ANKS1B: variants seen among roughly 807,000 people sequenced by gnomAD.
ANKS1B encodes the protein ankyrin repeat and sterile alpha motif domain containing 1B.
Under a neutral mutation model 148.3 loss-of-function variants are expected in ANKS1B, and 36 were observed. The ratio of observed to expected loss-of-function variants is 0.24; its 90% confidence interval spans 0.19 to 0.32. ANKS1B has a LOEUF of 0.32. Among genes scored for constraint, ANKS1B ranks in the 10% least tolerant of loss-of-function variants. ANKS1B has a pLI of 1.00. For missense variants in ANKS1B, 1,157 were observed against 1,542.6 expected (o/e 0.75, Z 4.19); for synonymous variants, 542 against 560.8 (o/e 0.97, Z 0.47).
chr12:99,719,942 C>T (rs1447324366), intron 8 of ANKS1B, among the ~76,000 whole-genome samples: 1 of 152,172 alleles, frequency 6.6e-6, no homozygotes, highest in Non-Finnish European at 1.5e-5. Context: ...CCACCTACTC[C>T]CCCGCTGAAA....
chr12:99,726,728 C>A (rs2058658323), intron 8 of ANKS1B, among the ~76,000 whole-genome samples: 1 of 152,062 alleles, frequency 6.6e-6, no homozygotes, highest in Non-Finnish European at 1.5e-5. Flanking sequence ...AATATTGATG[C>A]AAAAATCCTC....
At chr12:98,840,606 T>A (rs1255032447) in intron 17 of ANKS1B, among the ~76,000 whole-genome samples, 1 of 152,184 alleles carries the variant, frequency 6.6e-6, no homozygotes, top group African/African-American at 2.4e-5. Flanking sequence ...AATGGTATAA[T>A]TGCCTCTGAA....
chr12:99,383,248 T>A (rs1377637235), intron 12 of ANKS1B, among the ~76,000 whole-genome samples: 1 of 152,150 alleles, frequency 6.6e-6, no homozygotes, highest in Non-Finnish European at 1.5e-5. Context: ...TGTGAGAATT[T>A]TGAAAAAAAG....
intron 9 of ANKS1B, among the ~76,000 whole-genome samples, chr12:99,622,060 G>C (rs944325972): frequency 6.6e-6 from 1 of 151,920 alleles, no homozygotes; most frequent in African/African-American, 2.4e-5. Flanking sequence ...CATACCCATG[G>C]ACCAGAGTGG....
At chr12:99,301,597 G>T (rs1336924585) in intron 12 of ANKS1B, among the ~76,000 whole-genome samples, 1 of 152,058 alleles carries the variant, frequency 6.6e-6, no homozygotes, top group Non-Finnish European at 1.5e-5. Context: ...GTACATAATA[G>T]ATTTACTCAT....
chr12:98,925,945 A>T (rs1294675267), intron 17 of ANKS1B, among the ~76,000 whole-genome samples: 2 of 152,180 alleles, frequency 1.3e-5, no homozygotes, highest in African/African-American at 4.8e-5. Context: ...TGAAACTAAA[A>T]AAAGAATGAC....
At chr12:99,189,742 T>C (rs1036917783) in intron 14 of ANKS1B, among the ~76,000 whole-genome samples, 6 of 152,162 alleles carry the variant, frequency 3.9e-5, no homozygotes, top group Non-Finnish European at 8.8e-5. Context: ...TCATACTGAA[T>C]GGGCAAAAAC....
intron 12 of ANKS1B, among the ~76,000 whole-genome samples, chr12:99,311,487 A>C (rs1182100953): frequency 6.6e-6 from 1 of 152,178 alleles, no homozygotes; most frequent in African/African-American, 2.4e-5. Context: ...CTGGGTATGA[A>C]GAGAGATTGA....
intron 2 of ANKS1B, among the ~76,000 whole-genome samples, chr12:99,815,636 A>ACTCCCCTCCAAACCTCC (rs141645924): frequency 0.087 from 13,063 of 150,764 alleles, 647 homozygotes; most frequent in South Asian, 0.12. Flanking sequence ...TTTATCCTTC[A>ACTCCCCTCCAAACCTCC]CTCCCCTCCA....
At chr12:98,940,575 G>A (rs897334475) in intron 17 of ANKS1B, among the ~76,000 whole-genome samples, 11 of 152,096 alleles carry the variant, frequency 7.2e-5, no homozygotes, top group Admixed American at 1.3e-4. Flanking sequence ...TTATTACCAT[G>A]AATTACTTGT....
intron 1 of ANKS1B, among the ~76,000 whole-genome samples, chr12:99,879,021 T>C (rs1181342955): frequency 1.3e-5 from 2 of 152,204 alleles, no homozygotes; most frequent in South Asian, 2.1e-4. Flanking sequence ...CTGGTGATAA[T>C]TGATTCTGTG....
intron 12 of ANKS1B, among the ~76,000 whole-genome samples, chr12:99,263,565 G>A (rs1353046614): frequency 2.6e-5 from 4 of 152,086 alleles, no homozygotes; most frequent in African/African-American, 9.7e-5. Context: ...GAGATAGGTT[G>A]TTTTCTAAAT....
chr12:99,491,772 AATTAC>A (rs1260596288), intron 10 of ANKS1B, among the ~76,000 whole-genome samples: 2 of 152,228 alleles, frequency 1.3e-5, no homozygotes, highest in East Asian at 3.9e-4. Flanking sequence ...AAAATCATGC[AATTAC>A]ATGGAAATTA....
intron 15 of ANKS1B, among the ~76,000 whole-genome samples, chr12:99,147,662 A>G (rs936260072): frequency 6.6e-6 from 1 of 152,138 alleles, no homozygotes; most frequent in Non-Finnish European, 1.5e-5. Flanking sequence ...GTAGCTGGAC[A>G]GCACTGGGAA....
intron 8 of ANKS1B, among the ~76,000 whole-genome samples, chr12:99,657,897 C>CA (rs58151526): frequency 0.12 from 9,294 of 75,028 alleles, 713 homozygotes; most frequent in East Asian, 0.31. Flanking sequence ...TCTCCTCCCT[C>CA]AAAAAAAAAA....
At chr12:99,119,631 T>A (rs1365536723) in intron 15 of ANKS1B, among the ~76,000 whole-genome samples, 1 of 152,204 alleles carries the variant, frequency 6.6e-6, no homozygotes, top group Non-Finnish European at 1.5e-5. Flanking sequence ...ATGTGAAGCA[T>A]CACCTGCTGA....
At chr12:99,216,355 T>C (rs879826259) in intron 14 of ANKS1B, among the ~76,000 whole-genome samples, 29 of 152,242 alleles carry the variant, frequency 1.9e-4, no homozygotes, top group Non-Finnish European at 4.0e-4. Context: ...AAGGTCTTAA[T>C]GAGAGAATAA....
At chr12:99,664,676 G>C (rs907666535) in intron 8 of ANKS1B, among the ~76,000 whole-genome samples, 1 of 152,092 alleles carries the variant, frequency 6.6e-6, no homozygotes, top group African/African-American at 2.4e-5. Context: ...TTCCATCACC[G>C]CAAAAGGTTA....
At chr12:98,770,836 A>G (rs11109596) in intron 25 of ANKS1B, among the ~76,000 whole-genome samples, 51,167 of 152,032 alleles carry the variant, frequency 0.34, 9,762 homozygotes, top group East Asian at 0.61. Context: ...TCTACCCATG[A>G]CATTGAACTG....
Sources: allele counts gnomAD v4.1 joint callset (sites outside exome capture counted in the v4.1 genomes callset), GRCh38; gene constraint gnomAD v4.1.1; transcripts MANE v1.5; gene names NCBI Gene and HGNC (gene_info 2026-07-23, HGNC 2026-07-21).